Variants in ACSF3 observed in about 807,000 individuals in gnomAD.
ACSF3 encodes the protein malonate--CoA ligase ACSF3, mitochondrial.
A neutral mutation model predicts 53.2 loss-of-function variants in ACSF3; 78 were observed. The observed-to-expected ratio is 1.47, with a 90% CI of 1.22 to 1.77. The LOEUF (loss-of-function observed/expected upper bound fraction) is 1.77, where lower values mean the gene tolerates loss of function less well. Ranked by LOEUF, ACSF3 falls within the 40% of genes most tolerant of loss-of-function variation. The pLI is 0.00. For missense variants in ACSF3, 937 were observed against 771.1 expected (o/e 1.22, Z -2.55); for synonymous variants, 414 against 333.1 (o/e 1.24, Z -2.65).
intron 8 of ACSF3, among the ~76,000 whole-genome samples, chr16:89,143,740 C>T (rs1282699987): frequency 6.6e-6 from 1 of 152,118 alleles, no homozygotes; most frequent in Non-Finnish European, 1.5e-5. Context: ...GTCGGGGAGC[C>T]TCTGGTTTTT....
In ACSF3 at chr16:89,112,191, T is replaced by TAAA; in HGVS notation, c.922_923insAAA (p.Phe308delinsTer). On this transcript the variant is annotated stop_gained, in exon 5 of 11. Coordinates refer to ENST00000614302, the MANE Select transcript of ACSF3 (RefSeq NM_001243279.3). LOFTEE classifies it high-confidence loss of function. ...GCTGATGGAGTACTACGACAGGCAT[T>TAAA]TTACCCAGCCGCACGCCCAGGATTT... 2.5e-6 allele frequency: 4 copies of TAAA among 1,614,200 alleles called. No individual in the cohort carries two copies. The highest frequency in any genetic ancestry group is 3.4e-6 in the Non-Finnish European group (4 of 1,180,044).
chr16:89,107,604 C>T (rs1385878644), intron 4 of ACSF3, among the ~76,000 whole-genome samples: 2 of 152,214 alleles, frequency 1.3e-5, no homozygotes, highest in East Asian at 1.9e-4. Context: ...AGCCACAGTG[C>T]GCTTATCCAT....
chr16:89,108,044 A>G (rs1976225637), intron 4 of ACSF3, among the ~76,000 whole-genome samples: 1 of 152,222 alleles, frequency 6.6e-6, no homozygotes, highest in South Asian at 2.1e-4. Flanking sequence ...AATGAGGAAG[A>G]AGCAAAAGCG....
Position 89,145,403 on chromosome 16 carries a change from T to C in ACSF3, c.1501+2T>C. On this transcript the variant is annotated splice_donor_variant, in intron 9 of 10. Transcript: ENST00000614302. LOFTEE classifies it high-confidence loss of function. ...TGCTGGCCCACCCCAGCATCACAGG[T>C]GCGTGGCCGGACTTGGGCCAGGGAG... The C allele has an allele frequency of 1.2e-6, 2 of 1,614,006 alleles. No individual in the cohort carries two copies. Among genetic ancestry groups the C allele is most frequent in the South Asian group, 1.1e-5 (1 of 91,086 alleles).
rs759945819 is a variant in ACSF3, at chr16:89,155,248, T to C, written c.*1041T>C. 1.1e-5 allele frequency: 5 copies of C among 454,008 alleles called. No homozygotes were observed. Among genetic ancestry groups the C allele is most frequent in the South Asian group, 6.2e-5 (4 of 64,482 alleles). 28.1% of individuals were successfully genotyped at this position (454,008 alleles called of 1,614,324 possible). On this transcript the variant is annotated 3_prime_UTR_variant, in exon 11 of 11. Coordinates refer to ENST00000614302, the MANE Select transcript of ACSF3 (RefSeq NM_001243279.3). ...GGAAGTAACAGTCATCGCCCAGCAG[T>C]GTCTGGCCTGAACTTACCCAGAACA... is the stretch of plus-strand genomic sequence containing the variant.
At chr16:89,117,713 C>A (rs925536764) in intron 6 of ACSF3, among the ~76,000 whole-genome samples, 3 of 152,002 alleles carry the variant, frequency 2.0e-5, no homozygotes, top group African/African-American at 7.3e-5. Context: ...GCCCAGAGAC[C>A]CAGGGGAGGC....
intron 4 of ACSF3, 142 bp from the exon 5 acceptor site, chr16:89,111,950 G>A: frequency 3.9e-6 from 2 of 510,492 alleles, no homozygotes; most frequent in Non-Finnish European, 6.5e-6. Context: ...AGGGGTCAGA[G>A]TTTGAGGCAC....
intron 8 of ACSF3, among the ~76,000 whole-genome samples, chr16:89,142,996 C>G (rs1912161217): frequency 6.6e-6 from 1 of 152,072 alleles, no homozygotes; most frequent in Non-Finnish European, 1.5e-5. Flanking sequence ...GTTGGCGTGA[C>G]TCACCATGTC....
chr16:89,096,808 G>A (rs555209199), intron 1 of ACSF3, among the ~76,000 whole-genome samples: 27 of 152,264 alleles, frequency 1.8e-4, no homozygotes, highest in African/African-American at 5.5e-4. Context: ...GCCCCCGTCC[G>A]TTCCTCCTGC....
intron 4 of ACSF3, among the ~76,000 whole-genome samples, chr16:89,106,642 A>G (rs1032038296): frequency 6.6e-6 from 1 of 152,138 alleles, no homozygotes; most frequent in African/African-American, 2.4e-5. Flanking sequence ...AAGGATTGCA[A>G]CTCTTTTCCA....
intron 10 of ACSF3, chr16:89,153,779 C>A (rs1486524706): frequency 1.9e-5 from 8 of 416,402 alleles, no homozygotes; most frequent in Non-Finnish European, 3.6e-5. Context: ...GGTGTGGGGG[C>A]CCCTCTGCCC....
intron 4 of ACSF3, among the ~76,000 whole-genome samples, 172 bp downstream of exon 4, chr16:89,102,931 T>C (rs1468152165): frequency 6.6e-6 from 1 of 152,168 alleles, no homozygotes; most frequent in Non-Finnish European, 1.5e-5. Context: ...GTCGCCCCTA[T>C]CCACAGGGGA....
rs973883643 is a variant in ACSF3, at chr16:89,145,860, C to G, written c.1502-78C>G. On this transcript the variant is annotated intron_variant, in intron 9 of 10. Transcript: ENST00000614302. ...GGGCTGCGGCCAGACTGCGCTCTTC[C>G]TGTGTGTCCAGGCACTCTTCGGCCT... 2.4e-5 allele frequency: 30 copies of G among 1,255,532 alleles called. No individual in the cohort carries two copies. The African/African-American group carries it at 4.3e-4, about 18-fold the overall frequency. The allele number at this position is 1,255,532 out of a possible 1,614,324, so 77.8% of individuals were successfully genotyped here.
intron 7 of ACSF3, among the ~76,000 whole-genome samples, chr16:89,131,530 T>G (rs1418862035): frequency 6.6e-6 from 1 of 151,972 alleles, no homozygotes; most frequent in Non-Finnish European, 1.5e-5. Flanking sequence ...CCGTGTTGAG[T>G]AACTTTGTAT....
intron 6 of ACSF3, among the ~76,000 whole-genome samples, chr16:89,119,738 G>A (rs536729639): frequency 6.6e-5 from 10 of 152,238 alleles, no homozygotes; most frequent in Non-Finnish European, 1.0e-4. Context: ...ACACTAGCCC[G>A]GCTTCGCCTG....
At chr16:89,145,195 C>T (rs951261739) in intron 8 of ACSF3, 72 bp from the exon 9 acceptor site, 10 of 1,613,546 alleles carry the variant, frequency 6.2e-6, no homozygotes, top group Non-Finnish European at 8.5e-6. Context: ...GCCAGTTAAC[C>T]AGAGCCCCTT....
chr16:89,154,001 G>T, intron 10 of ACSF3, 89 bp from the exon 11 acceptor site: 2 of 1,371,596 alleles, frequency 1.5e-6, no homozygotes, highest in Admixed American at 3.8e-5. Context: ...CAGGGTCCCA[G>T]GGGCACCTGT....
intron 8 of ACSF3, among the ~76,000 whole-genome samples, chr16:89,135,923 C>T (rs955788717): frequency 5.3e-5 from 8 of 152,192 alleles, no homozygotes; most frequent in South Asian, 2.1e-4. Context: ...TACAGGCGCC[C>T]GCCACCACGC....
chr16:89,130,832 T>C (rs572848203), intron 7 of ACSF3, among the ~76,000 whole-genome samples: 10 of 152,288 alleles, frequency 6.6e-5, no homozygotes, highest in African/African-American at 2.4e-4. Flanking sequence ...GTGTTATCTT[T>C]TCTTCTGTCA....
Sources: allele counts gnomAD v4.1 joint callset (sites outside exome capture counted in the v4.1 genomes callset), GRCh38; gene constraint gnomAD v4.1.1; transcripts MANE v1.5; gene names NCBI Gene and HGNC (gene_info 2026-07-23, HGNC 2026-07-21).